TRERF1: variants seen among roughly 807,000 people sequenced by gnomAD.
TRERF1 encodes the protein transcriptional regulating factor 1, also known as transcriptional-regulating factor 1.
TRERF1 carries 27 observed loss-of-function variants against 122.9 expected under a neutral mutation model. That is an observed-to-expected ratio of 0.22 (90% CI 0.16 to 0.30). TRERF1 has a LOEUF of 0.30. Ranked by LOEUF, TRERF1 falls within the 10% of genes least tolerant of loss-of-function variation. The pLI, the probability that TRERF1 is intolerant of heterozygous loss-of-function variation, is 1.00. For missense variants in TRERF1, 1,248 were observed against 1,560.3 expected (o/e 0.80, Z 3.37); for synonymous variants, 636 against 641.7 (o/e 0.99, Z 0.13).
At chr6:42,307,470 T>C (rs1037181893) in intron 3 of TRERF1, among the ~76,000 whole-genome samples, 5 of 152,130 alleles carry the variant, frequency 3.3e-5, no homozygotes, top group Non-Finnish European at 5.9e-5. Context: ...AAATTCCACA[T>C]TAAATTTTAT....
rs372680259 is a variant in TRERF1, at chr6:42,427,136, T to C, written c.-454+24041A>G. Among the ~76,000 whole-genome samples the C allele has an allele frequency of 1.6e-4, 25 of 151,944 alleles. No homozygotes were observed. In the East Asian group the frequency reaches 3.1e-3, roughly 19 times the overall value. On this transcript the variant is annotated intron_variant, in intron 2 of 17. Coordinates refer to ENST00000372922, the Ensembl canonical transcript of TRERF1. ...AGAAGCTCGAGACCAGCCTGGTCCA[T>C]GTAGCAAGAACCTATCTCTATAAAA...
At chr6:42,347,679 AC>A (rs1458953385) in intron 3 of TRERF1, among the ~76,000 whole-genome samples, 1 of 152,182 alleles carries the variant, frequency 6.6e-6, no homozygotes, top group African/African-American at 2.4e-5. Context: ...AGGACTAAAA[AC>A]AAAAGAAAAG....
At chr6:42,287,173 G>A (rs1011901856) in intron 4 of TRERF1, among the ~76,000 whole-genome samples, 49 of 145,542 alleles carry the variant, frequency 3.4e-4, no homozygotes, top group African/African-American at 1.2e-3. Flanking sequence ...GGATAGCATC[G>A]GGAGATATAC....
chr6:42,401,674 G>A (rs886807185), intron 2 of TRERF1, among the ~76,000 whole-genome samples: 4 of 152,148 alleles, frequency 2.6e-5, no homozygotes, highest in South Asian at 2.1e-4. Context: ...GGGGCACTCC[G>A]TGGGTATCTC....
At chr6:42,322,079 A>G (rs950506836) in intron 3 of TRERF1, among the ~76,000 whole-genome samples, 5 of 152,238 alleles carry the variant, frequency 3.3e-5, no homozygotes, top group Admixed American at 1.3e-4. Context: ...AAGAACGCAA[A>G]TACTGCCATT....
chr6:42,303,158 A>C (rs1359960265), intron 3 of TRERF1, among the ~76,000 whole-genome samples: 1 of 152,246 alleles, frequency 6.6e-6, no homozygotes, highest in Non-Finnish European at 1.5e-5. Flanking sequence ...GCTGGTGCCT[A>C]GTATGTACTA....
chr6:42,249,510 C>T (rs1172441062), intron 13 of TRERF1, among the ~76,000 whole-genome samples: 1 of 152,206 alleles, frequency 6.6e-6, no homozygotes, highest in Non-Finnish European at 1.5e-5. Context: ...TAGGAGAGAT[C>T]CCCAAACCTC....
chr6:42,422,718 C>G (rs193295922), intron 2 of TRERF1, among the ~76,000 whole-genome samples: 1 of 152,190 alleles, frequency 6.6e-6, no homozygotes, highest in East Asian at 1.9e-4. Flanking sequence ...CAACTCCTTC[C>G]CCTGCACTCT....
chr6:42,413,311 C>A (rs755677283), intron 2 of TRERF1, among the ~76,000 whole-genome samples: 31 of 152,260 alleles, frequency 2.0e-4, no homozygotes, highest in Middle Eastern at 3.4e-3. Context: ...CACCTAATAT[C>A]AGTGGAGGAA....
At chr6:42,404,667 A>G (rs1483021952) in intron 2 of TRERF1, among the ~76,000 whole-genome samples, 14 of 152,036 alleles carry the variant, frequency 9.2e-5, no homozygotes, top group Admixed American at 9.2e-4. Context: ...TCACCCCAGC[A>G]GGATACTCTC....
chr6:42,433,435 A>T (rs1430546905), intron 2 of TRERF1, among the ~76,000 whole-genome samples: 1 of 152,130 alleles, frequency 6.6e-6, no homozygotes, highest in African/African-American at 2.4e-5. Context: ...AAAAAAAGCT[A>T]TTAAAACACT....
chr6:42,344,873 T>C (rs1417125007), intron 3 of TRERF1, among the ~76,000 whole-genome samples: 2 of 152,216 alleles, frequency 1.3e-5, no homozygotes, highest in Non-Finnish European at 2.9e-5. Context: ...ACTTATTTGT[T>C]ACTGCATGTC....
At chr6:42,240,382 G>A (rs1347266392) in intron 15 of TRERF1, among the ~76,000 whole-genome samples, 1 of 152,118 alleles carries the variant, frequency 6.6e-6, no homozygotes, top group African/African-American at 2.4e-5. Context: ...TCCAAAACAC[G>A]GCACTGACAG....
At chr6:42,371,177 G>C (rs1773698032) in intron 2 of TRERF1, among the ~76,000 whole-genome samples, 1 of 152,220 alleles carries the variant, frequency 6.6e-6, no homozygotes, top group Non-Finnish European at 1.5e-5. Context: ...CTGGAGGTCA[G>C]AGGGTAGGTG....
intron 2 of TRERF1, among the ~76,000 whole-genome samples, chr6:42,417,805 C>G (rs774098867): frequency 7.2e-5 from 11 of 152,170 alleles, no homozygotes; most frequent in South Asian, 4.1e-4. Flanking sequence ...TCACACCCCC[C>G]CAACAGTCTA....
At chr6:42,394,221 G>A (rs996207303) in intron 2 of TRERF1, among the ~76,000 whole-genome samples, 2 of 152,072 alleles carry the variant, frequency 1.3e-5, no homozygotes, top group African/African-American at 2.4e-5. Context: ...AGACAAGCCA[G>A]GTCACCCCCA....
intron 3 of TRERF1, among the ~76,000 whole-genome samples, chr6:42,313,449 C>G (rs1270581790): frequency 6.6e-6 from 1 of 152,128 alleles, no homozygotes; most frequent in Non-Finnish European, 1.5e-5. Context: ...CTCTCTCTTT[C>G]CTTGGAGCGA....
intron 3 of TRERF1, among the ~76,000 whole-genome samples, chr6:42,316,514 C>T (rs1344085613): frequency 1.3e-5 from 2 of 152,152 alleles, no homozygotes; most frequent in African/African-American, 4.8e-5. Flanking sequence ...CTCTTGAAAC[C>T]ACCTTTGCAA....
chr6:42,347,154 G>C (rs776096042), intron 3 of TRERF1, among the ~76,000 whole-genome samples: 1 of 152,172 alleles, frequency 6.6e-6, no homozygotes, highest in Non-Finnish European at 1.5e-5. Flanking sequence ...GAAATCAGAA[G>C]AAGCTGGAGG....
Sources: allele counts gnomAD v4.1 joint callset (sites outside exome capture counted in the v4.1 genomes callset), GRCh38; gene constraint gnomAD v4.1.1; transcripts MANE v1.5; gene names NCBI Gene and HGNC (gene_info 2026-07-23, HGNC 2026-07-21).